Variants in DCC observed in about 807,000 individuals in gnomAD.
DCC encodes netrin receptor DCC.
A neutral mutation model predicts 172.5 loss-of-function variants in DCC; 58 were observed. The ratio of observed to expected loss-of-function variants is 0.34; its 90% CI spans 0.27 to 0.42. The LOEUF is 0.42. Ranked by LOEUF, DCC falls within the 10% of genes least tolerant of loss-of-function variation. The pLI is 1.00. For synonymous variants in DCC, 709 were observed against 644.5 expected (o/e 1.10, Z -1.52); for missense variants, 1,740 against 1,791.0 (o/e 0.97, Z 0.51).
intron 1 of DCC, chr18:52,419,765 C>T (rs776034312): frequency 3.9e-5 from 6 of 152,056 alleles, no homozygotes; most frequent in Non-Finnish European, 7.4e-5. Context: ...TTATTTCCAC[C>T]TCCTTAATTT....
chr18:53,085,994 T>TATTATTATTATTATTATTATTATTATA (rs1568294171), intron 7 of DCC, among the ~76,000 whole-genome samples: 1 of 45,774 alleles, frequency 2.2e-5, no homozygotes, highest in Non-Finnish European at 4.0e-5. Context: ...TTCTTCTCCT[T>TATTATTATTATTATTATTATTATTATA]CTCCTTCTTC....
At chr18:53,091,820 T>TATCC (rs1381305117) in intron 7 of DCC, among the ~76,000 whole-genome samples, 1 of 70,320 alleles carries the variant, frequency 1.4e-5, no homozygotes, top group Non-Finnish European at 2.4e-5. Context: ...TATATCTATC[T>TATCC]ATCTATCTAT....
At chr18:53,349,174 C>T (rs189611683) in intron 15 of DCC, among the ~76,000 whole-genome samples, 60 of 152,174 alleles carry the variant, frequency 3.9e-4, no homozygotes, top group African/African-American at 1.4e-3. Flanking sequence ...CGCTAGATAC[C>T]CCAAATCATC....
intron 12 of DCC, among the ~76,000 whole-genome samples, chr18:53,241,433 C>T (rs2056292176): frequency 6.6e-6 from 1 of 152,104 alleles, no homozygotes; most frequent in African/African-American, 2.4e-5. Flanking sequence ...GTCAAGTGGA[C>T]CAACATAGAC....
chr18:52,496,344 G>A (rs1280147705), intron 1 of DCC, among the ~76,000 whole-genome samples: 1 of 152,134 alleles, frequency 6.6e-6, no homozygotes, highest in African/African-American at 2.4e-5. Context: ...ATAACCATGA[G>A]CATCGGGACA....
intron 1 of DCC, among the ~76,000 whole-genome samples, chr18:52,368,968 G>A (rs565461638): frequency 3.9e-5 from 6 of 152,140 alleles, no homozygotes; most frequent in South Asian, 2.1e-4. Flanking sequence ...GTGGTGAGAA[G>A]GATCTGGCTC....
chr18:52,801,316 A>AACT (rs1434400188), intron 2 of DCC, among the ~76,000 whole-genome samples: 1 of 152,204 alleles, frequency 6.6e-6, no homozygotes, highest in East Asian at 1.9e-4. Context: ...CCATAACCAC[A>AACT]ACTACAACAG....
chr18:52,402,498 G>T (rs533132871), intron 1 of DCC, among the ~76,000 whole-genome samples: 1 of 152,032 alleles, frequency 6.6e-6, no homozygotes. Flanking sequence ...ATCAAGCTGT[G>T]ACTTGAAAGT....
chr18:53,147,148 G>A (rs1048601631), intron 7 of DCC, among the ~76,000 whole-genome samples: 4 of 152,112 alleles, frequency 2.6e-5, no homozygotes, highest in African/African-American at 9.7e-5. Flanking sequence ...AGGTCAATAT[G>A]CCTCTTCTAT....
chr18:53,206,266 GTAT>G (rs1159975932), intron 10 of DCC, among the ~76,000 whole-genome samples: 1 of 132,982 alleles, frequency 7.5e-6, no homozygotes, highest in Non-Finnish European at 1.5e-5. Context: ...CCACATATAT[GTAT>G]TATAACACAT....
At chr18:52,692,334 C>A (rs1054790064) in intron 1 of DCC, among the ~76,000 whole-genome samples, 1 of 152,116 alleles carries the variant, frequency 6.6e-6, no homozygotes, top group African/African-American at 2.4e-5. Flanking sequence ...CCCAGCACTC[C>A]CTTCTCACCA....
At chr18:52,986,996 G>C (rs570145495) in intron 5 of DCC, among the ~76,000 whole-genome samples, 105 of 152,066 alleles carry the variant, frequency 6.9e-4, no homozygotes, top group African/African-American at 2.4e-3. Flanking sequence ...GCTATTTTTT[G>C]TATCTTCAGT....
intron 7 of DCC, among the ~76,000 whole-genome samples, chr18:53,129,501 A>G (rs2043619737): frequency 6.6e-6 from 1 of 152,112 alleles, no homozygotes. Flanking sequence ...TCCCTCATAT[A>G]CACATACACC....
At chr18:53,255,355 T>TCCCTCCC (rs1255420345) in intron 12 of DCC, among the ~76,000 whole-genome samples, 2 of 115,952 alleles carry the variant, frequency 1.7e-5, no homozygotes, top group Non-Finnish European at 3.6e-5. Flanking sequence ...CCTAATGCTA[T>TCCCTCCC]CCCTCCCCCC....
At chr18:53,406,366 G>A (rs1307097594) in intron 19 of DCC, among the ~76,000 whole-genome samples, 1 of 151,290 alleles carries the variant, frequency 6.6e-6, no homozygotes, top group Non-Finnish European at 1.5e-5. Context: ...TACTTTCTCT[G>A]GAAAAGTGTC....
chr18:53,122,882 T>A (rs1598824307), intron 7 of DCC, among the ~76,000 whole-genome samples: 1 of 152,196 alleles, frequency 6.6e-6, no homozygotes, highest in East Asian at 1.9e-4. Context: ...TCTAACCATT[T>A]TATCTCCCTT....
In DCC at chr18:53,428,804, A is replaced by T. The variant is rs1370452870; in HGVS notation, c.3164-6340A>T. Among the ~76,000 whole-genome samples, 7 of 33,992 alleles carry T rather than the reference A, an allele frequency of 2.1e-4. No homozygotes were observed. In the South Asian group the frequency reaches 9.6e-3, roughly 46 times the overall value. The allele number at this position is 33,992 out of a possible 152,430, so 22.3% of individuals were successfully genotyped here. On this transcript the variant is annotated intron_variant, in intron 21 of 28. Coordinates refer to ENST00000442544, the MANE Select transcript of DCC (RefSeq NM_005215.4). ...TTATATATAATAAATTATATATTAT[A>T]TATTTTATATATAATAAATTATATA...
chr18:52,862,823 C>T (rs77067843), intron 2 of DCC, among the ~76,000 whole-genome samples: 3,349 of 152,150 alleles, frequency 0.022, 66 homozygotes, highest in Admixed American at 0.041. Flanking sequence ...ATGAGATCAA[C>T]GGAATCTTTC....
intron 1 of DCC, among the ~76,000 whole-genome samples, chr18:52,407,641 G>A (rs933505879): frequency 6.6e-6 from 1 of 151,610 alleles, no homozygotes; most frequent in Non-Finnish European, 1.5e-5. Flanking sequence ...TGGTGTTCTT[G>A]CATCTTCTTC....
Sources: allele counts gnomAD v4.1 joint callset (sites outside exome capture counted in the v4.1 genomes callset), GRCh38; gene constraint gnomAD v4.1.1; transcripts MANE v1.5; gene names NCBI Gene and HGNC (gene_info 2026-07-23, HGNC 2026-07-21).